Variants in DNAJC2 observed in about 807,000 individuals in gnomAD.
DNAJC2 encodes the protein DnaJ heat shock protein family (Hsp40) member C2.
DNAJC2 carries 32 observed loss-of-function variants against 94.0 expected under a neutral mutation model. The ratio of observed to expected loss-of-function variants is 0.34; its 90% CI spans 0.26 to 0.46. The LOEUF (loss-of-function observed/expected upper bound fraction) is 0.46, where lower values mean the gene tolerates loss of function less well. Among genes scored for constraint, DNAJC2 ranks in the 20% least tolerant of loss-of-function variants. DNAJC2 has a pLI of 1.00. For synonymous variants in DNAJC2, 210 were observed against 229.7 expected, an observed-to-expected ratio of 0.91 and a Z score of 0.77; for missense variants, 550 against 719.5, an observed-to-expected ratio of 0.76 and a Z score of 2.69.
rs2115782788 is a variant in DNAJC2 at position 103,316,035 on chromosome 7, C to T, written c.1481G>A (p.Arg494Lys). ...MNIHSSSGVKRTAKDVIGKAK... is the reference protein window; with the variant it reads ...MNIHSSSGVKKTAKDVIGKAK... ...TTTGCCAATAACATCTTTGGCAGTT[C>T]TTTTGACTCCAGAGGAAGAATGTAT... The change falls in exon 14 of 17, where the codon AGA becomes AAA. Residue 494 changes from arginine to lysine, a missense_variant. Arg to Lys is a conservative substitution (Grantham distance 26). This residue lies in a region of DNAJC2 where 271 missense variants were observed against 302.6 expected (regional missense o/e 0.90). Transcript: ENST00000379263. 3.1e-6 allele frequency: 5 copies of T among 1,603,440 alleles called. No individual in the cohort carries two copies. The highest frequency in any genetic ancestry group is 4.3e-6 in the Non-Finnish European group (5 of 1,175,164).
chr7:103,340,404 C>T (rs749253629), intron 2 of DNAJC2, among the ~76,000 whole-genome samples: 2 of 152,214 alleles, frequency 1.3e-5, no homozygotes, highest in Non-Finnish European at 2.9e-5. Flanking sequence ...ATGTTTTATA[C>T]ATATGCTTTA....
In DNAJC2 at chr7:103,344,632, G is replaced by A. The variant is rs753654081; in HGVS notation, c.-10C>T. ...TTGGCAGAAGCAGCATGATGGCGCCGGGTCTAGCCCGGTGGGCGCAGCGGC... is the reference window on the plus strand; with the variant it reads ...TTGGCAGAAGCAGCATGATGGCGCCAGGTCTAGCCCGGTGGGCGCAGCGGC... On this transcript the variant is annotated 5_prime_UTR_variant, in exon 1 of 17. Coordinates refer to ENST00000379263, the MANE Select transcript of DNAJC2 (RefSeq NM_014377.3). 5 of 1,608,270 alleles carry A rather than the reference G, an allele frequency of 3.1e-6. No individual in the cohort carries two copies. Among genetic ancestry groups the A allele is most frequent in the African/African-American group, 2.7e-5 (2 of 74,936 alleles).
In DNAJC2 at chr7:103,330,730, G is replaced by A. The variant is rs545158171; in HGVS notation, c.332-2976C>T. Among the ~76,000 whole-genome samples, 4 of 150,706 alleles carry A rather than the reference G, an allele frequency of 2.7e-5. No homozygotes were observed. In the East Asian group the frequency reaches 7.8e-4, roughly 29 times the overall value. On this transcript the variant is annotated intron_variant, in intron 3 of 16. Transcript: ENST00000379263. ...CTCCCAAAGTGCTGGGATTACAGGTGTGAGCTATCACACCCAGCTCTTTTT... is the reference window on the plus strand; with the variant it reads ...CTCCCAAAGTGCTGGGATTACAGGTATGAGCTATCACACCCAGCTCTTTTT...
Position 103,322,561 on chromosome 7 carries a change from T to A in DNAJC2, c.883A>T (p.Lys295Ter). 6.3e-7 allele frequency: 1 copy of A among 1,588,838 alleles called. No homozygotes were observed. Residue 295 changes from lysine (K) to a stop codon, truncating the protein, a stop_gained, in exon 9 of 17, where the codon AAG becomes TAG. Transcript: ENST00000379263. LOFTEE classifies it high-confidence loss of function. ...EEEKAKKEAE[K>*]KAKAEAKRKE... ...CGTTTAGCTTCTGCTTTTGCTTTCT[T>A]TTCTGCTTCTTTCTTGGCTTTTTCT...
Position 103,312,315 on chromosome 7 carries a change from CAG to C in DNAJC2, c.*252_*253del. 6.2e-7 allele frequency: 1 copy of C among 1,601,868 alleles called. No individual in the cohort carries two copies. Among genetic ancestry groups the C allele is most frequent in the Non-Finnish European group, 8.5e-7 (1 of 1,179,034 alleles). On this transcript the variant is annotated 3_prime_UTR_variant, in exon 17 of 17. Transcript: ENST00000379263. ...TGTTTGAACACATGTATTTATAAAA[CAG>C]AGCTAGAGAAAAATAAAAATGAACA...
At chr7:103,326,171 T>C (rs1818695518) in intron 5 of DNAJC2, among the ~76,000 whole-genome samples, 1 of 152,018 alleles carries the variant, frequency 6.6e-6, no homozygotes, top group Non-Finnish European at 1.5e-5. Context: ...AGAGACAGGG[T>C]TTCACCATGT....
chr7:103,315,705 C>T (rs1586063003), intron 15 of DNAJC2, 59 bp downstream of exon 15: 9 of 1,148,366 alleles, frequency 7.8e-6, no homozygotes, highest in East Asian at 7.1e-5. Context: ...AAGTCTTGTA[C>T]GTCCAAGCAG....
chr7:103,339,365 C>T (rs1563474631), intron 2 of DNAJC2, among the ~76,000 whole-genome samples: 1 of 152,198 alleles, frequency 6.6e-6, no homozygotes, highest in African/African-American at 2.4e-5. Context: ...AAGACCTTCT[C>T]CCTCTTATAG....
At chr7:103,344,510 G>A (rs953960093) in intron 1 of DNAJC2, 49 bp downstream of exon 1, 3 of 1,605,794 alleles carry the variant, frequency 1.9e-6, no homozygotes, top group Non-Finnish European at 2.6e-6. Context: ...GGAGGACTGA[G>A]GCAGGGGCAG....
intron 2 of DNAJC2, among the ~76,000 whole-genome samples, chr7:103,339,862 G>C (rs1819312724): frequency 6.6e-6 from 1 of 152,034 alleles, no homozygotes; most frequent in South Asian, 2.1e-4. Flanking sequence ...TTTTGAGATA[G>C]AGTTTTGCTC....
At chr7:103,313,438 T>G in intron 15 of DNAJC2, 4 of 984,470 alleles carry the variant, frequency 4.1e-6, no homozygotes, top group Non-Finnish European at 4.8e-6. Flanking sequence ...ACTCTTGGAC[T>G]CAAAAACACA....
chr7:103,340,026 T>TG (rs1225661069), intron 2 of DNAJC2, among the ~76,000 whole-genome samples: 1 of 152,056 alleles, frequency 6.6e-6, no homozygotes, highest in Non-Finnish European at 1.5e-5. Flanking sequence ...TTAGTAGAGA[T>TG]GGGGTTTCAC....
rs1818283816 is a variant in DNAJC2 at position 103,319,836 on chromosome 7, A to G, written c.1092T>C (p.Asn364=). ...QKLRNSCKTW[N]HFSDNEAERV... The stretch of plus-strand genomic sequence containing the variant: ...GCTCTGCCTCATTATCAGAAAAATG[A>G]TTCCAGGTCTAAAAGCACAAACACA... Residue 364 remains asparagine (N), a synonymous_variant, in exon 11 of 17, where the codon AAT becomes AAC. Transcript: ENST00000379263. The G allele has an allele frequency of 6.2e-7, 1 of 1,614,152 alleles. No homozygotes were observed. The highest frequency in any genetic ancestry group is 8.5e-7 in the Non-Finnish European group (1 of 1,180,032).
chr7:103,327,488 T>C (rs1818767589), intron 4 of DNAJC2, 168 bp downstream of exon 4: 2 of 680,776 alleles, frequency 2.9e-6, no homozygotes, highest in Admixed American at 5.3e-5. Context: ...CCTCACTTTG[T>C]GTCGTGAGGC....
intron 3 of DNAJC2, chr7:103,337,446 T>G (rs550038299): frequency 7.0e-4 from 189 of 270,708 alleles, no homozygotes; most frequent in African/African-American, 3.8e-3. Context: ...TAAAGAGAGG[T>G]GAAGTATTAT....
chr7:103,322,480 TA>T (rs1232131358), intron 9 of DNAJC2, 30 bp downstream of exon 9: 7 of 1,416,396 alleles, frequency 4.9e-6, no homozygotes, highest in Non-Finnish European at 6.7e-6. Flanking sequence ...CATAAACATT[TA>T]AAGTCCACCT....
At position 103,315,866 on chromosome 7, in the gene DNAJC2, G is replaced by A. The variant is rs1586063698; in HGVS notation, c.1534C>T (p.His512Tyr). 1 of 1,608,066 alleles carries A rather than the reference G, an allele frequency of 6.2e-7. No individual in the cohort carries two copies. The highest frequency in any genetic ancestry group is 1.1e-5 in the South Asian group (1 of 90,256). The change falls in exon 15 of 17, where the codon CAT becomes TAT. Residue 512 changes from histidine (H) to tyrosine (Y), a missense_variant. Coordinates refer to ENST00000379263, the MANE Select transcript of DNAJC2 (RefSeq NM_014377.3). ...KAKSLQKLDP[H>Y]QKDDINKKAF... ...TTTTTATTTATGTCATCTTTTTGATGAGGGTCTGAGAAATGAAAAAAATTT... is the reference window on the plus strand; with the variant it reads ...TTTTTATTTATGTCATCTTTTTGATAAGGGTCTGAGAAATGAAAAAAATTT...
chr7:103,325,566 C>T (rs1275442943), intron 5 of DNAJC2, among the ~76,000 whole-genome samples: 1 of 152,092 alleles, frequency 6.6e-6, no homozygotes, highest in Non-Finnish European at 1.5e-5. Context: ...AGAAGAATCA[C>T]CTGGGAGCCT....
intron 3 of DNAJC2, chr7:103,335,350 T>C (rs910261330): frequency 1.2e-4 from 18 of 152,300 alleles, no homozygotes; most frequent in African/African-American, 3.8e-4. Flanking sequence ...GTAGCAACTG[T>C]GTTTTACAGT....
Sources: gnomAD v4.1 joint callset for allele counts (sites outside exome capture counted in the v4.1 genomes callset) on GRCh38, gnomAD v4.1.1 for gene constraint, gnomAD v4.1.1 regional missense constraint, MANE v1.5 for transcripts, NCBI Gene and HGNC (gene_info 2026-07-23, HGNC 2026-07-21) for gene names.